The following ACOT6 variants were observed in gnomAD, a reference collection of about 807,000 sequenced individuals.
ACOT6 encodes acyl-CoA thioesterase 6.
In ACOT6, 14 loss-of-function variants were observed where a neutral mutation model predicts 12.3. That is an observed-to-expected ratio of 1.14 (90% confidence interval 0.75 to 1.78). The LOEUF (loss-of-function observed/expected upper bound fraction) is 1.78, where lower values mean the gene tolerates loss of function less well. ACOT6 is among the 40% of genes most tolerant of loss of function. The pLI is 0.00. For synonymous variants in ACOT6, 218 were observed against 231.3 expected, an observed-to-expected ratio of 0.94 and a Z score of 0.52; for missense variants, 523 against 551.8, an observed-to-expected ratio of 0.95 and a Z score of 0.52.
intron 1 of ACOT6, among the ~76,000 whole-genome samples, chr14:73,615,127 C>T (rs1890512047): frequency 6.6e-6 from 1 of 150,710 alleles, no homozygotes; most frequent in Non-Finnish European, 1.5e-5. Flanking sequence ...GTGGCTCACG[C>T]CTCTAATCCC....
chr14:73,612,547 T>G lies in ACOT6; in HGVS notation c.-25T>G. ...CGCCCACTGACTCCGCGGAGCTGGG[T>G]CGCCCCTGTTCTACCCAGATTGGGA... On this transcript the variant is annotated 5_prime_UTR_variant, in exon 1 of 3. Coordinates refer to ENST00000645972, the MANE Select transcript of ACOT6 (RefSeq NM_001365788.1). The G allele has an allele frequency of 7.8e-7, 1 of 1,284,328 alleles. No individual in the cohort carries two copies. Among genetic ancestry groups the G allele is most frequent in the Non-Finnish European group, 1.0e-6 (1 of 995,764 alleles). 79.6% of individuals were successfully genotyped at this position (1,284,328 alleles called of 1,614,324 possible).
chr14:73,612,618 A>ACGAG lies in ACOT6; in HGVS notation c.49_52dup (p.Pro18ArgfsTer138). 7.1e-7 allele frequency: 1 copy of ACGAG among 1,418,182 alleles called. No individual in the cohort carries two copies. Among genetic ancestry groups the ACGAG allele is most frequent in the Non-Finnish European group, 9.2e-7 (1 of 1,082,050 alleles). 87.8% of individuals were successfully genotyped at this position (1,418,182 alleles called of 1,614,324 possible). A position where few individuals can be genotyped will look rare whatever the true frequency, so the allele number is the denominator to read the frequency against. ...GAGCCCGCGGGCCGCTGCTGCTGGG[A>ACGAG]CGAGCCGCTGCGCATCGCAGTGCGC... On this transcript the variant is annotated frameshift_variant, in exon 1 of 3. Coordinates refer to ENST00000645972, the MANE Select transcript of ACOT6 (RefSeq NM_001365788.1). LOFTEE classifies it high-confidence loss of function.
At chr14:73,616,306 G>T (rs1377837350) in intron 1 of ACOT6, among the ~76,000 whole-genome samples, 2 of 151,456 alleles carry the variant, frequency 1.3e-5, no homozygotes, top group African/African-American at 2.4e-5. Flanking sequence ...TTTTGTTTGT[G>T]AAAATAATAT....
chr14:73,611,107 C>T (rs1890439491), upstream of ACOT6: 1 of 152,186 alleles, frequency 6.6e-6, no homozygotes, highest in African/African-American at 2.4e-5. Context: ...TCTCACTGGA[C>T]TCAGACAAGT....
Position 73,617,155 on chromosome 14 carries a change from T to C in ACOT6, c.623T>C (p.Phe208Ser), listed in dbSNP as rs986013851. 3.1e-6 allele frequency: 5 copies of C among 1,614,046 alleles called. No individual in the cohort carries two copies. In the African/African-American group the frequency reaches 6.7e-5, roughly 22 times the overall value. ...CTGAATGATGTACATCTGGAGTACT[T>C]TGAAGAAGCCGTGGACTTTATGCTG... ...EDLNDVHLEY[F>S]EEAVDFMLQH... The change falls in exon 2 of 3, where the codon TTT becomes TCT. Residue 208 changes from phenylalanine to serine, a missense_variant. Physicochemically the swap from Phe to Ser is radical, Grantham distance 155 (BLOSUM62 -2). Transcript: ENST00000645972.
upstream of ACOT6, chr14:73,612,443 C>T (rs115621183): frequency 1.8e-3 from 1,038 of 592,904 alleles, 12 homozygotes; most frequent in African/African-American, 0.019. Flanking sequence ...TGGAGCCTGT[C>T]CCCAAGTCCA....
intron 2 of ACOT6, among the ~76,000 whole-genome samples, chr14:73,618,517 C>A (rs1890577634): frequency 6.7e-6 from 1 of 149,696 alleles, no homozygotes; most frequent in South Asian, 2.1e-4. Flanking sequence ...ACGGGCTGAC[C>A]TCTCCCCTAT....
intron 1 of ACOT6, among the ~76,000 whole-genome samples, chr14:73,615,388 TAAAAAA>T (rs1160138803): frequency 9.5e-5 from 6 of 63,330 alleles, no homozygotes; most frequent in African/African-American, 6.0e-4. Flanking sequence ...CTCTGTCTGA[TAAAAAA>T]AAAAAAAAAA....
In ACOT6 at chr14:73,612,752, G is replaced by C; in HGVS notation, c.181G>C (p.Asp61His). Residue 61 changes from aspartate to histidine, a missense_variant, in exon 1 of 3, where the codon GAC becomes CAC. By Grantham distance (81) the Asp-to-His change is moderately conservative. Around this residue, in one of 2 missense-constraint regions of ACOT6, gnomAD observed 304 missense variants for 274.8 expected, o/e 1.11. Coordinates refer to ENST00000645972, the MANE Select transcript of ACOT6 (RefSeq NM_001365788.1). The part of the protein sequence containing the change: ...RYRADARDEL[D>H]LERAPALGGS... ...CCGTGCCGACGCCCGCGACGAGCTG[G>C]ACCTGGAGCGCGCGCCCGCGCTGGG... The C allele has an allele frequency of 7.3e-7, 1 of 1,373,660 alleles. No homozygotes were observed. The highest frequency in any genetic ancestry group is 9.3e-7 in the Non-Finnish European group (1 of 1,072,262). 85.1% of individuals were successfully genotyped at this position (1,373,660 alleles called of 1,614,324 possible). A position where few individuals can be genotyped will look rare whatever the true frequency, so the allele number is the denominator to read the frequency against.
At chr14:73,611,987 T>G (rs1034702177), upstream of ACOT6, among the ~76,000 whole-genome samples, 3 of 152,090 alleles carry the variant, frequency 2.0e-5, no homozygotes, top group Admixed American at 6.6e-5. Flanking sequence ...CTCTCAGTGG[T>G]TTTTGTGCCT....
Position 73,612,818 on chromosome 14 carries a change from G to A in ACOT6, c.247G>A (p.Ala83Thr). 1.4e-6 allele frequency: 2 copies of A among 1,424,326 alleles called. No homozygotes were observed. The highest frequency in any genetic ancestry group is 1.9e-6 in the Non-Finnish European group (2 of 1,077,170). 88.2% of individuals were successfully genotyped at this position (1,424,326 alleles called of 1,614,324 possible). Residue 83 changes from alanine (A) to threonine (T), a missense_variant, in exon 1 of 3, where the codon GCG becomes ACG. Ala to Thr is a moderately conservative substitution (Grantham distance 58, BLOSUM62 0). Around this residue, in one of 2 missense-constraint regions of ACOT6, gnomAD observed 304 missense variants for 274.8 expected, o/e 1.11. Coordinates refer to ENST00000645972, the MANE Select transcript of ACOT6 (RefSeq NM_001365788.1). ...GCTCCAGCCCATGGGGCTGCTGTGG[G>A]CGTTGGAGCCCGAGAAAGCCTTGGT... ...AGLQPMGLLW[A>T]LEPEKALVRL...
At position 73,614,954 on chromosome 14, in the gene ACOT6, G is replaced by A. The variant is rs192391290; in HGVS notation, c.461+1922G>A. 7.0e-4 allele frequency among the ~76,000 whole-genome samples: 105 copies of A among 150,996 alleles called. 1 individual carries two copies. Among genetic ancestry groups the A allele is most frequent in the South Asian group, 5.5e-3 (26 of 4,752 alleles). On this transcript the variant is annotated intron_variant, in intron 1 of 2. Coordinates refer to ENST00000645972, the MANE Select transcript of ACOT6 (RefSeq NM_001365788.1). ...TCTACTAAAAATACAAAAGTTAGCCGGGCATGGTGGTGGGTGCCTGTAATC... is the reference window on the plus strand; with the variant it reads ...TCTACTAAAAATACAAAAGTTAGCCAGGCATGGTGGTGGGTGCCTGTAATC...
upstream of ACOT6, among the ~76,000 whole-genome samples, chr14:73,612,182 C>G (rs778407973): frequency 6.6e-6 from 1 of 152,032 alleles, no homozygotes; most frequent in Non-Finnish European, 1.5e-5. Context: ...GCCGGGATTA[C>G]AGGCATGCGC....
chr14:73,612,919 C>A lies in ACOT6; in HGVS notation c.348C>A (p.Pro116=). 3 of 1,352,812 alleles carry A rather than the reference C, an allele frequency of 2.2e-6. No individual in the cohort carries two copies. The highest frequency in any genetic ancestry group is 1.4e-5 in the South Asian group (1 of 72,474). 83.8% of individuals were successfully genotyped at this position (1,352,812 alleles called of 1,614,324 possible). ...TGCTGGACGGCCACGACACCGAGCCCGGGCGGCTGCTGTGCCTGGCGCAGA... is the reference window on the plus strand; with the variant it reads ...TGCTGGACGGCCACGACACCGAGCCAGGGCGGCTGCTGTGCCTGGCGCAGA... The part of the protein sequence containing the change: ...LEVLDGHDTE[P]GRLLCLAQNK... The change falls in exon 1 of 3, where the codon CCC becomes CCA. Residue 116 remains proline (P), a synonymous_variant. Coordinates refer to ENST00000645972, the MANE Select transcript of ACOT6 (RefSeq NM_001365788.1).
At position 73,614,048 on chromosome 14, in the gene ACOT6, A is replaced by AAC. The variant is rs1250867597; in HGVS notation, c.461+1017_461+1018insCA. Among the ~76,000 whole-genome samples, 156 of 143,894 alleles carry AAC rather than the reference A, an allele frequency of 1.1e-3. 1 individual carries two copies. The highest frequency in any genetic ancestry group is 3.5e-3 in the African/African-American group (133 of 38,374). 94.4% of individuals were successfully genotyped at this position (143,894 alleles called of 152,430 possible). A position where few individuals can be genotyped will look rare whatever the true frequency, so the allele number is the denominator to read the frequency against. ...CTACAAAAAAAAAAAAAAAAAAAAA[A>AAC]AAATTAGGCAGGCATGGTGGTGCAT... On this transcript the variant is annotated intron_variant, in intron 1 of 2. Transcript: ENST00000645972.
intron 1 of ACOT6, among the ~76,000 whole-genome samples, chr14:73,614,548 T>A (rs905910726): frequency 1.3e-5 from 2 of 151,518 alleles, no homozygotes; most frequent in Non-Finnish European, 2.9e-5. Context: ...AAGACTAGCC[T>A]GGCCAACATG....
chr14:73,619,700 C>A lies in ACOT6; in HGVS notation c.1127C>A (p.Ala376Asp), dbSNP rs146458660. 1.2e-6 allele frequency: 2 copies of A among 1,614,164 alleles called. No individual in the cohort carries two copies. Among genetic ancestry groups the A allele is most frequent in the Non-Finnish European group, 1.7e-6 (2 of 1,180,010 alleles). ...YFPPSRASVH[A>D]VLGEAIFYGG... ...CCTCCTTCTAGAGCTTCTGTGCACG[C>A]TGTTTTGGGTGAGGCAATATTCTAT... Residue 376 changes from alanine (A) to aspartate (D), a missense_variant, in exon 3 of 3, where the codon GCT becomes GAT. Ala to Asp is a moderately radical substitution (Grantham distance 126). Around this residue, in one of 2 missense-constraint regions of ACOT6, gnomAD observed 219 missense variants for 277.0 expected, o/e 0.79. Transcript: ENST00000645972.
Position 73,612,759 on chromosome 14 carries a change from A to G in ACOT6, c.188A>G (p.Glu63Gly). The change falls in exon 1 of 3, where the codon GAG (glutamate) becomes GGG (glycine). Residue 63 changes from glutamate to glycine, a missense_variant. Coordinates refer to ENST00000645972, the MANE Select transcript of ACOT6 (RefSeq NM_001365788.1). ...GACGCCCGCGACGAGCTGGACCTGG[A>G]GCGCGCGCCCGCGCTGGGAGGCAGC... ...RADARDELDLERAPALGGSFA... is the reference protein window; with the variant it reads ...RADARDELDLGRAPALGGSFA... The G allele has an allele frequency of 5.8e-6, 8 of 1,371,096 alleles. No individual in the cohort carries two copies. The highest frequency in any genetic ancestry group is 7.5e-6 in the Non-Finnish European group (8 of 1,070,426). The allele number at this position is 1,371,096 out of a possible 1,614,324, so 84.9% of individuals were successfully genotyped here. A position where few individuals can be genotyped will look rare whatever the true frequency, so the allele number is the denominator to read the frequency against.
intron 1 of ACOT6, among the ~76,000 whole-genome samples, chr14:73,613,734 A>T (rs1427257857): frequency 1.3e-5 from 2 of 152,206 alleles, no homozygotes; most frequent in South Asian, 2.1e-4. Flanking sequence ...GCACAGGACA[A>T]CCACCAGAAC....
Sources: gnomAD v4.1 joint callset for allele counts (sites outside exome capture counted in the v4.1 genomes callset) on GRCh38, gnomAD v4.1.1 for gene constraint, gnomAD v4.1.1 regional missense constraint, MANE v1.5 for transcripts, NCBI Gene and HGNC (gene_info 2026-07-23, HGNC 2026-07-21) for gene names.